The following GRID2 variants were observed in gnomAD, a reference collection of about 807,000 sequenced individuals.
The protein encoded by GRID2 is glutamate receptor ionotropic, delta-2.
Under a neutral mutation model 114.8 loss-of-function variants are expected in GRID2, and 33 were observed. The observed-to-expected ratio is 0.29, with a 90% CI of 0.22 to 0.38. The LOEUF is 0.38. GRID2 is among the 10% of genes least tolerant of loss of function. The pLI, the probability that GRID2 is intolerant of heterozygous loss-of-function variation, is 1.00. For missense variants in GRID2, 1,184 were observed against 1,257.7 expected (o/e 0.94, Z 0.89); for synonymous variants, 505 against 449.9 (o/e 1.12, Z -1.55).
At chr4:92,452,850 A>T (rs71616373) in intron 1 of GRID2, among the ~76,000 whole-genome samples, 2 of 132,534 alleles carry the variant, frequency 1.5e-5, no homozygotes, top group African/African-American at 5.1e-5. Context: ...CCATATATAT[A>T]TATTTACCAT....
At chr4:93,100,442 A>G (rs1385987244) in intron 3 of GRID2, among the ~76,000 whole-genome samples, 1 of 152,028 alleles carries the variant, frequency 6.6e-6, no homozygotes, top group East Asian at 1.9e-4. Context: ...TTTCTAAGCA[A>G]GATTTTTTAA....
chr4:92,577,201 G>T (rs1727936962), intron 1 of GRID2, among the ~76,000 whole-genome samples: 1 of 152,102 alleles, frequency 6.6e-6, no homozygotes, highest in African/African-American at 2.4e-5. Context: ...TGTGGCTGAA[G>T]AACAGATGTA....
intron 2 of GRID2, among the ~76,000 whole-genome samples, chr4:92,666,407 G>A (rs1193465715): frequency 6.6e-5 from 10 of 151,336 alleles, no homozygotes; most frequent in Non-Finnish European, 3.0e-5. Flanking sequence ...ACTTTCTCAA[G>A]GACAATTTCT....
At chr4:92,680,658 A>G (rs974614906) in intron 2 of GRID2, among the ~76,000 whole-genome samples, 2 of 152,176 alleles carry the variant, frequency 1.3e-5, no homozygotes, top group Non-Finnish European at 2.9e-5. Flanking sequence ...TTATTTTAGA[A>G]CAATAATCAC....
chr4:93,546,960 A>G (rs1436075546), intron 13 of GRID2, among the ~76,000 whole-genome samples: 1 of 152,122 alleles, frequency 6.6e-6, no homozygotes, highest in Admixed American at 6.5e-5. Context: ...ATCAGAAGAA[A>G]TTAATTCAAA....
chr4:93,241,527 A>C (rs2149516911), intron 8 of GRID2, among the ~76,000 whole-genome samples: 1 of 152,004 alleles, frequency 6.6e-6, no homozygotes, highest in African/African-American at 2.4e-5. Context: ...ATGTAAAATT[A>C]TAATTATGCT....
At chr4:93,781,114 T>C (rs72875986) in intron 1 of GRID2, among the ~76,000 whole-genome samples, 6,098 of 152,266 alleles carry the variant, frequency 0.04, 397 homozygotes, top group African/African-American at 0.14. Flanking sequence ...AGTCAGAATA[T>C]CTAGTTTGTT....
chr4:93,561,307 AC>A (rs1476949605), intron 13 of GRID2, among the ~76,000 whole-genome samples: 2 of 152,176 alleles, frequency 1.3e-5, no homozygotes, highest in Non-Finnish European at 2.9e-5. Context: ...TTTAGAGAGT[AC>A]TAACAGAGCC....
intron 2 of GRID2, among the ~76,000 whole-genome samples, chr4:92,905,587 T>C (rs1747886551): frequency 6.6e-6 from 1 of 152,084 alleles, no homozygotes; most frequent in Non-Finnish European, 1.5e-5. Context: ...TTACCAGCTA[T>C]TGATGGCTAC....
chr4:93,277,571 C>T (rs1351679903), intron 8 of GRID2, among the ~76,000 whole-genome samples: 1 of 151,730 alleles, frequency 6.6e-6, no homozygotes, highest in Non-Finnish European at 1.5e-5. Context: ...TTTTAATATA[C>T]AGTGATTATT....
chr4:92,843,987 G>A (rs1014937736), intron 2 of GRID2, among the ~76,000 whole-genome samples: 11 of 152,044 alleles, frequency 7.2e-5, no homozygotes, highest in South Asian at 2.1e-4. Flanking sequence ...AAATGCTGAC[G>A]TAGTTTATTA....
intron 1 of GRID2, among the ~76,000 whole-genome samples, chr4:92,572,944 T>C (rs531099696): frequency 6.6e-6 from 1 of 152,200 alleles, no homozygotes; most frequent in African/African-American, 2.4e-5. Context: ...CATGAATCTA[T>C]CTGGCCCTGG....
intron 2 of GRID2, among the ~76,000 whole-genome samples, chr4:92,962,166 T>A (rs1752863274): frequency 6.6e-6 from 1 of 152,022 alleles, no homozygotes; most frequent in Non-Finnish European, 1.5e-5. Context: ...TATCTGAGTA[T>A]GGTTCTGACA....
chr4:92,731,703 A>C (rs1472863210), intron 2 of GRID2, among the ~76,000 whole-genome samples: 1 of 151,944 alleles, frequency 6.6e-6, no homozygotes, highest in Non-Finnish European at 1.5e-5. Context: ...AAATTGAGTA[A>C]CTTTAGGAAA....
At chr4:93,036,494 CAT>C (rs1724945578) in intron 2 of GRID2, among the ~76,000 whole-genome samples, 1 of 152,004 alleles carries the variant, frequency 6.6e-6, no homozygotes, top group Non-Finnish European at 1.5e-5. Context: ...TTATTATAAA[CAT>C]ATTAATGAAA....
At chr4:92,691,536 T>C (rs990521155) in intron 2 of GRID2, among the ~76,000 whole-genome samples, 1 of 152,186 alleles carries the variant, frequency 6.6e-6, no homozygotes, top group Admixed American at 6.5e-5. Flanking sequence ...GTTTTGCTCA[T>C]TGTGCGGTAT....
intron 1 of GRID2, among the ~76,000 whole-genome samples, chr4:92,345,747 G>GA (rs1244610618): frequency 6.6e-6 from 1 of 152,030 alleles, no homozygotes; most frequent in East Asian, 1.9e-4. Flanking sequence ...ATTTAAAGAT[G>GA]AAAAAAGCCC....
chr4:93,218,527 T>G (rs1464444243), intron 6 of GRID2, among the ~76,000 whole-genome samples: 1 of 151,998 alleles, frequency 6.6e-6, no homozygotes, highest in African/African-American at 2.4e-5. Context: ...AATAGATATG[T>G]CCCTTCAAGA....
At chr4:93,751,360 CTATAAT>C (rs1447747171) in intron 14 of GRID2, among the ~76,000 whole-genome samples, 1 of 152,144 alleles carries the variant, frequency 6.6e-6, no homozygotes, top group African/African-American at 2.4e-5. Flanking sequence ...GAATGAGACT[CTATAAT>C]TAAAGTTAAT....
Sources: gnomAD v4.1 joint callset for allele counts (sites outside exome capture counted in the v4.1 genomes callset) on GRCh38, gnomAD v4.1.1 for gene constraint, MANE v1.5 for transcripts, NCBI Gene and HGNC (gene_info 2026-07-23, HGNC 2026-07-21) for gene names.